Variants in MZT2A observed in about 807,000 individuals in gnomAD.
MZT2A encodes mitotic spindle organizing protein 2A, also known as mitotic-spindle organizing protein 2A.
A neutral mutation model predicts 12.4 loss-of-function variants in MZT2A; 8 were observed. The observed-to-expected ratio is 0.64, with a 90% CI of 0.38 to 1.16. The LOEUF (loss-of-function observed/expected upper bound fraction) is 1.16, where lower values mean the gene tolerates loss of function less well. Ranked by LOEUF, MZT2A falls within the 50% of genes most tolerant of loss-of-function variation. The probability of loss-of-function intolerance (pLI) is 0.01; values close to 1 mark genes in which losing one functional copy is unlikely to be tolerated. For missense variants in MZT2A, 181 were observed against 223.6 expected, an observed-to-expected ratio of 0.81 and a Z score of 1.22; for synonymous variants, 88 against 107.5, an observed-to-expected ratio of 0.82 and a Z score of 1.12.
chr2:131,493,366 T>C (rs540241823), upstream of MZT2A, among the ~76,000 whole-genome samples: 461 of 152,274 alleles, frequency 3.0e-3, 1 homozygote, highest in Admixed American at 4.1e-3. Flanking sequence ...TACACTCTGT[T>C]CTGGTCCGGT....
At chr2:131,491,589 G>A in intron 2 of MZT2A, 1 of 554,456 alleles carries the variant, frequency 1.8e-6, no homozygotes, top group Non-Finnish European at 3.2e-6. Context: ...GACTTTGTAG[G>A]ATGAAGGCCT....
intron 2 of MZT2A, among the ~76,000 whole-genome samples, chr2:131,487,768 G>GT (rs781674056): frequency 6.6e-6 from 1 of 152,188 alleles, no homozygotes; most frequent in African/African-American, 2.4e-5. Flanking sequence ...TCACTTTGGG[G>GT]TTTTTTGTTT....
At chr2:131,480,422 A>G (rs1678819216), downstream of MZT2A, 1 of 1,588,402 alleles carries the variant, frequency 6.3e-7, no homozygotes, top group Admixed American at 1.7e-5. Flanking sequence ...CCTCCCTGCG[A>G]TTTGATGGGG....
chr2:131,490,779 A>C, intron 2 of MZT2A: 3 of 1,549,814 alleles, frequency 1.9e-6, no homozygotes, highest in Non-Finnish European at 2.6e-6. Flanking sequence ...GAGAGAGGTG[A>C]GTGTGTGGCA....
chr2:131,489,808 G>A (rs1248651307), intron 2 of MZT2A: 13 of 916,294 alleles, frequency 1.4e-5, no homozygotes, highest in Non-Finnish European at 1.7e-5. Context: ...CCAGCACACT[G>A]GTCTCACTGG....
chr2:131,490,463 T>G (rs1430469644), intron 2 of MZT2A: 1 of 1,371,728 alleles, frequency 7.3e-7, no homozygotes, highest in Non-Finnish European at 9.4e-7. Flanking sequence ...CACCACTAGT[T>G]CGCCTCTGGG....
At chr2:131,483,583 G>T (rs1179813294), downstream of MZT2A, among the ~76,000 whole-genome samples, 1 of 142,938 alleles carries the variant, frequency 7.0e-6, no homozygotes, top group Non-Finnish European at 1.5e-5. Context: ...GGGTGTGGTG[G>T]TGGGCACTGT....
chr2:131,492,721 T>G (rs1573881063), upstream of MZT2A: 1 of 1,273,830 alleles, frequency 7.9e-7, no homozygotes, highest in African/African-American at 1.6e-5. Flanking sequence ...AGTCAATACC[T>G]GTTTCAAGAA....
intron 2 of MZT2A, among the ~76,000 whole-genome samples, chr2:131,477,020 T>A (rs1324696616): frequency 7.2e-6 from 1 of 139,476 alleles, no homozygotes; most frequent in African/African-American, 3.1e-5. Flanking sequence ...TATCCTTTTT[T>A]TCCTTTCTTT....
intron 2 of MZT2A, chr2:131,491,666 A>C: frequency 1.2e-6 from 1 of 814,800 alleles, no homozygotes; most frequent in Non-Finnish European, 1.9e-6. Context: ...TGGGGCACGC[A>C]CTCTGCGTCC....
rs573693763 is a variant in MZT2A at position 131,490,134 on chromosome 2, C to A, written c.319+1742G>T. 7.4e-6 allele frequency: 5 copies of A among 678,154 alleles called. No individual in the cohort carries two copies. In the South Asian group the frequency reaches 2.7e-4, roughly 37 times the overall value. The allele number at this position is 678,154 out of a possible 1,614,324, so 42.0% of individuals were successfully genotyped here. ...GCTGTCAGGAGGCTCATGCAGGAGG[C>A]GCGACCAAAGACCCCTGGGCTCTCA... On this transcript the variant is annotated intron_variant, in intron 2 of 2. Coordinates refer to ENST00000309451, the MANE Select transcript of MZT2A (RefSeq NM_001085365.2).
downstream of MZT2A, chr2:131,479,962 T>C (rs1678797474): frequency 1.4e-6 from 2 of 1,401,354 alleles, no homozygotes; most frequent in East Asian, 4.7e-5. Flanking sequence ...ATGGATGATT[T>C]GAATCCATAT....
upstream of MZT2A, chr2:131,492,919 TC>T (rs200051719): frequency 2.0e-5 from 30 of 1,510,812 alleles, no homozygotes; most frequent in East Asian, 1.6e-4. Flanking sequence ...GACCACTCCC[TC>T]CCCCCGCACT....
At chr2:131,482,992 C>G, downstream of MZT2A, 2 of 1,399,940 alleles carry the variant, frequency 1.4e-6, no homozygotes, top group Non-Finnish European at 1.9e-6. Context: ...GACCCTAGAG[C>G]CTGCATGGAC....
At chr2:131,479,004 T>C (rs893563065), downstream of MZT2A, among the ~76,000 whole-genome samples, 1 of 152,258 alleles carries the variant, frequency 6.6e-6, no homozygotes, top group African/African-American at 2.4e-5. Context: ...TTGATGTAGC[T>C]ACACGTAGGA....
intron 2 of MZT2A, among the ~76,000 whole-genome samples, chr2:131,475,448 G>C (rs1678627589): frequency 6.8e-6 from 1 of 146,584 alleles, no homozygotes; most frequent in Non-Finnish European, 1.5e-5. Flanking sequence ...TCCTACCTCA[G>C]CCTCCCGTGT....
At chr2:131,475,989 G>A (rs1678649555) in intron 2 of MZT2A, 11 of 859,580 alleles carry the variant, frequency 1.3e-5, no homozygotes, top group Non-Finnish European at 1.7e-5. Context: ...ATCAGAGAGC[G>A]TCCCCAGTAC....
upstream of MZT2A, chr2:131,493,198 C>T (rs1008316047): frequency 7.2e-7 from 1 of 1,390,750 alleles, no homozygotes; most frequent in Non-Finnish European, 9.3e-7. Context: ...CTTCCGCGAG[C>T]CCCTGCGGAG....
At position 131,484,224 on chromosome 2, in the gene MZT2A, G is replaced by A. The variant is rs757036029; in HGVS notation, c.320-6C>T. On this transcript the variant is annotated splice_region_variant and splice_polypyrimidine_tract_variant and intron_variant, in intron 2 of 2. Transcript: ENST00000309451. ...AGCGCTGCCTTTGTCTCTCCCTAAG[G>A]AGACACAAAGCACAATGATTAGGAA... The A allele has an allele frequency of 1.2e-6, 2 of 1,613,142 alleles. No homozygotes were observed. Among genetic ancestry groups the A allele is most frequent in the Non-Finnish European group, 1.7e-6 (2 of 1,179,286 alleles).
Sources: allele counts gnomAD v4.1 joint callset (sites outside exome capture counted in the v4.1 genomes callset), GRCh38; gene constraint gnomAD v4.1.1; transcripts MANE v1.5; gene names NCBI Gene and HGNC (gene_info 2026-07-23, HGNC 2026-07-21).